ATP2C1: variants seen among roughly 807,000 people sequenced by gnomAD.
ATP2C1 encodes ATPase secretory pathway Ca2+ transporting 1.
A neutral mutation model predicts 120.5 loss-of-function variants in ATP2C1; 31 were observed. That is an observed-to-expected ratio of 0.26 (90% CI 0.19 to 0.35). ATP2C1 has a LOEUF of 0.35. Among genes scored for constraint, ATP2C1 ranks in the 10% least tolerant of loss-of-function variants. The probability of loss-of-function intolerance (pLI) is 1.00; values close to 1 mark genes in which losing one functional copy is unlikely to be tolerated. For synonymous variants in ATP2C1, 351 were observed against 358.7 expected (o/e 0.98, Z 0.24); for missense variants, 731 against 1,107.5 (o/e 0.66, Z 4.83).
intron 25 of ATP2C1, 29 bp from the exon 26 acceptor site, chr3:130,998,265 A>C: frequency 6.8e-7 from 1 of 1,471,984 alleles, no homozygotes; most frequent in Non-Finnish European, 9.5e-7. Flanking sequence ...CAGCCACTGA[A>C]AAGTAATTTT....
intron 17 of ATP2C1, among the ~76,000 whole-genome samples, chr3:130,970,934 A>C (rs2061286321): frequency 6.6e-6 from 1 of 152,130 alleles, no homozygotes; most frequent in Non-Finnish European, 1.5e-5. Flanking sequence ...ATGAGGGCCA[A>C]AAAAAAGATT....
intron 1 of ATP2C1, among the ~76,000 whole-genome samples, chr3:130,862,339 T>C (rs2068042804): frequency 6.7e-6 from 1 of 149,242 alleles, no homozygotes; most frequent in African/African-American, 2.5e-5. Context: ...TATTTATTTA[T>C]TTATTTATTT....
chr3:130,964,062 A>G lies in ATP2C1; in HGVS notation c.991A>G (p.Ile331Val), dbSNP rs2060943382. 5.6e-6 allele frequency: 9 copies of G among 1,612,686 alleles called. No individual in the cohort carries two copies. The highest frequency in any genetic ancestry group is 7.6e-6 in the Non-Finnish European group (9 of 1,178,928). ...TATGAGAATGGTGAAGAAAAGGGCC[A>G]TTGTGAAAAAGCTGCCTATTGTTGA... ...GVMRMVKKRA[I>V]VKKLPIVETL... Residue 331 changes from isoleucine (I) to valine (V), a missense_variant, in exon 13 of 28, where the codon ATT becomes GTT. Around this residue, in one of 3 missense-constraint regions of ATP2C1, gnomAD observed 571 missense variants for 845.9 expected, o/e 0.67. Coordinates refer to ENST00000510168, the MANE Select transcript of ATP2C1 (RefSeq NM_001378687.1).
intron 2 of ATP2C1, among the ~76,000 whole-genome samples, chr3:130,917,230 G>C (rs1265027962): frequency 3.3e-5 from 5 of 152,170 alleles, no homozygotes; most frequent in Non-Finnish European, 1.5e-5. Flanking sequence ...TGTTCGCTTC[G>C]GTAGGTTAGG....
chr3:130,948,955 T>C (rs989586882), intron 8 of ATP2C1, among the ~76,000 whole-genome samples: 3 of 152,178 alleles, frequency 2.0e-5, no homozygotes, highest in Non-Finnish European at 4.4e-5. Context: ...GAGTAAATGT[T>C]GCGTGTTTTC....
At chr3:130,980,531 G>A (rs760787123) in intron 19 of ATP2C1, 51 bp from the exon 20 acceptor site, 1 of 1,395,292 alleles carries the variant, frequency 7.2e-7, no homozygotes, top group Admixed American at 1.7e-5. Context: ...TGACTAGCCT[G>A]TCAAGCAAAA....
intron 2 of ATP2C1, among the ~76,000 whole-genome samples, chr3:130,912,340 C>T (rs1204858848): frequency 1.7e-4 from 26 of 151,270 alleles, no homozygotes; most frequent in East Asian, 1.2e-3. Flanking sequence ...AGAAAATTTT[C>T]GCAACCTACT....
chr3:130,884,997 G>A lies in ATP2C1; in HGVS notation c.108+34069G>A, dbSNP rs371363002. 6.2e-4 allele frequency among the ~76,000 whole-genome samples: 91 copies of A among 147,432 alleles called. 2 individuals are homozygous for A. The South Asian group carries it at 0.013, about 21-fold the overall frequency. The stretch of plus-strand genomic sequence containing the variant: ...CGCCCAGGCTGGAGTACAATGGCGC[G>A]ATTTTGGCTCATTGCAACCTCCGCC... On this transcript the variant is annotated intron_variant, in intron 1 of 26. Transcript: ENST00000504381.
intron 12 of ATP2C1, among the ~76,000 whole-genome samples, chr3:130,960,710 C>T (rs1015092148): frequency 6.6e-6 from 1 of 152,030 alleles, no homozygotes; most frequent in Non-Finnish European, 1.5e-5. Flanking sequence ...TAAGTGGAGC[C>T]GTGGTAACAA....
chr3:130,938,246 TA>T (rs1466754479), intron 6 of ATP2C1, among the ~76,000 whole-genome samples: 8 of 152,256 alleles, frequency 5.3e-5, no homozygotes. Context: ...TATGTTTATT[TA>T]AATATCTGAA....
intron 11 of ATP2C1, among the ~76,000 whole-genome samples, chr3:130,958,532 A>T (rs1309221077): frequency 6.6e-6 from 1 of 152,158 alleles, no homozygotes; most frequent in Non-Finnish European, 1.5e-5. Flanking sequence ...GATGAAAAAA[A>T]AAACTTGTCT....
At chr3:131,007,389 C>T (rs1299786191), downstream of ATP2C1, among the ~76,000 whole-genome samples, 1 of 152,192 alleles carries the variant, frequency 6.6e-6, no homozygotes, top group African/African-American at 2.4e-5. Flanking sequence ...TCTGTGGTGG[C>T]TTCATGGCTG....
rs527370930 is a variant in ATP2C1 at position 130,970,279 on chromosome 3, A to T, written c.1413+883A>T. ...GTTGCAGTGAGGCTGAGACAGGGGA[A>T]TTGTTTGAACCTGGGAGGCGGAGGT... On this transcript the variant is annotated intron_variant, in intron 17 of 27. Coordinates refer to ENST00000510168, the MANE Select transcript of ATP2C1 (RefSeq NM_001378687.1). Among the ~76,000 whole-genome samples, 3 of 150,484 alleles carry T rather than the reference A, an allele frequency of 2.0e-5. No individual in the cohort carries two copies. In the South Asian group the frequency reaches 6.4e-4, roughly 32 times the overall value.
chr3:130,933,798 T>G (rs1366263165), intron 4 of ATP2C1, among the ~76,000 whole-genome samples: 1 of 152,106 alleles, frequency 6.6e-6, no homozygotes, highest in South Asian at 2.1e-4. Flanking sequence ...TGAAGAAGGA[T>G]TGGGACTTGT....
exon 27 of ATP2C1, chr3:131,016,535 C>T: frequency 1.5e-6 from 1 of 655,718 alleles, no homozygotes; most frequent in Non-Finnish European, 2.5e-6. Flanking sequence ...TAATGATGAC[C>T]TAACTTTATT....
At chr3:130,854,792 G>C (rs554636925) in intron 1 of ATP2C1, among the ~76,000 whole-genome samples, 1 of 152,178 alleles carries the variant, frequency 6.6e-6, no homozygotes, top group Non-Finnish European at 1.5e-5. Flanking sequence ...CCTTGGGTGA[G>C]TTCTTCTATT....
At chr3:130,903,740 C>CCTTTCCTTTCCTTTCCTTTCCT (rs2057987581) in intron 2 of ATP2C1, among the ~76,000 whole-genome samples, 1 of 116,468 alleles carries the variant, frequency 8.6e-6, no homozygotes, top group African/African-American at 4.1e-5. Flanking sequence ...TCCTTTCCAT[C>CCTTTCCTTTCCTTTCCTTTCCT]TTCTGTATTG....
At position 131,012,567 on chromosome 3, in the gene ATP2C1, C is replaced by T. The variant is rs188794752; in HGVS notation, c.2630-3585C>T. ...GCCACTACATCCAGCACCGGTCTCACATGTTTATAGTCCTCATTAGATACC... is the reference window on the plus strand; with the variant it reads ...GCCACTACATCCAGCACCGGTCTCATATGTTTATAGTCCTCATTAGATACC... On this transcript the variant is annotated intron_variant, in intron 26 of 26. Transcript: ENST00000328560. 2.0e-5 allele frequency among the ~76,000 whole-genome samples: 3 copies of T among 152,218 alleles called. No individual in the cohort carries two copies. In the East Asian group the frequency reaches 5.8e-4, roughly 30 times the overall value.
intron 1 of ATP2C1, among the ~76,000 whole-genome samples, chr3:130,879,017 A>G (rs982440725): frequency 1.3e-5 from 2 of 152,178 alleles, no homozygotes; most frequent in African/African-American, 4.8e-5. Flanking sequence ...ATTTGAAACT[A>G]TATAAGTATT....
Sources: gnomAD v4.1 joint callset for allele counts (sites outside exome capture counted in the v4.1 genomes callset) on GRCh38, gnomAD v4.1.1 for gene constraint, gnomAD v4.1.1 regional missense constraint, MANE v1.5 for transcripts, NCBI Gene and HGNC (gene_info 2026-07-23, HGNC 2026-07-21) for gene names.